SULF1: variants seen among roughly 807,000 people sequenced by gnomAD.
SULF1 encodes the protein extracellular sulfatase Sulf-1.
Under a neutral mutation model 110.5 loss-of-function variants are expected in SULF1, and 46 were observed. The ratio of observed to expected loss-of-function variants is 0.42; its 90% CI spans 0.33 to 0.53. The LOEUF (loss-of-function observed/expected upper bound fraction) is 0.53. Among genes scored for constraint, SULF1 ranks in the 20% least tolerant of loss-of-function variants. The probability of loss-of-function intolerance (pLI) is 0.12; values close to 1 mark genes in which losing one functional copy is unlikely to be tolerated. For missense variants in SULF1, 941 were observed against 1,094.2 expected (o/e 0.86, Z 1.98); for synonymous variants, 371 against 387.1 (o/e 0.96, Z 0.49).
chr8:69,524,689 T>C (rs762740038), intron 3 of SULF1, among the ~76,000 whole-genome samples: 1 of 152,202 alleles, frequency 6.6e-6, no homozygotes, highest in African/African-American at 2.4e-5. Flanking sequence ...TCAAAGATAG[T>C]ATAGTTATAG....
At chr8:69,632,287 G>C (rs1276916142) in intron 19 of SULF1, among the ~76,000 whole-genome samples, 1 of 152,052 alleles carries the variant, frequency 6.6e-6, no homozygotes, top group Admixed American at 6.6e-5. Flanking sequence ...TAGGACAGTG[G>C]CTTCCAGAAT....
chr8:69,489,191 G>A (rs563616089), upstream of SULF1, among the ~76,000 whole-genome samples: 165 of 152,324 alleles, frequency 1.1e-3, 1 homozygote, highest in African/African-American at 3.8e-3. Context: ...TGAGACTCAT[G>A]TTCCCTTGAC....
intron 5 of SULF1, among the ~76,000 whole-genome samples, chr8:69,575,569 A>G (rs949613196): frequency 6.6e-6 from 1 of 152,154 alleles, no homozygotes; most frequent in South Asian, 2.1e-4. Flanking sequence ...CTAGTAATCT[A>G]GTAGCAATGT....
chr8:69,503,644 C>T (rs1810964920), intron 3 of SULF1, among the ~76,000 whole-genome samples: 1 of 152,108 alleles, frequency 6.6e-6, no homozygotes, highest in Non-Finnish European at 1.5e-5. Flanking sequence ...CCTTCAGTGC[C>T]ATACCATTCA....
At chr8:69,640,906 C>T in intron 22 of SULF1, 65 bp downstream of exon 22, 5 of 1,509,188 alleles carry the variant, frequency 3.3e-6, no homozygotes, top group Non-Finnish European at 4.5e-6. Context: ...CCAGTGGTTT[C>T]AACTAATTTC....
intron 1 of SULF1, among the ~76,000 whole-genome samples, chr8:69,486,575 A>T (rs561464421): frequency 2.6e-5 from 4 of 152,204 alleles, no homozygotes; most frequent in Non-Finnish European, 5.9e-5. Context: ...AGCTAAAAGA[A>T]GGTTTGCTGT....
chr8:69,548,920 C>T (rs79011891), intron 3 of SULF1, among the ~76,000 whole-genome samples: 2,370 of 152,240 alleles, frequency 0.016, 50 homozygotes, highest in African/African-American at 0.053. Flanking sequence ...GTCACCACCT[C>T]CCCACACACA....
intron 8 of SULF1, among the ~76,000 whole-genome samples, chr8:69,596,295 G>A (rs542263357): frequency 1.3e-5 from 2 of 152,138 alleles, no homozygotes; most frequent in Non-Finnish European, 2.9e-5. Context: ...TTAGGCACAC[G>A]TGACTCTACC....
intron 5 of SULF1, among the ~76,000 whole-genome samples, chr8:69,570,372 A>G (rs1586431164): frequency 6.6e-6 from 1 of 152,262 alleles, no homozygotes; most frequent in Non-Finnish European, 1.5e-5. Flanking sequence ...TTTAATGTTT[A>G]GTAATACAAA....
At chr8:69,573,858 G>T (rs1432963070) in intron 5 of SULF1, among the ~76,000 whole-genome samples, 2 of 152,166 alleles carry the variant, frequency 1.3e-5, no homozygotes, top group African/African-American at 4.8e-5. Context: ...TCAGTGAAAC[G>T]ATTGGTTTCC....
intron 3 of SULF1, among the ~76,000 whole-genome samples, chr8:69,558,793 G>A (rs1815285204): frequency 6.6e-6 from 1 of 152,068 alleles, no homozygotes; most frequent in South Asian, 2.1e-4. Context: ...ATTTATTGAA[G>A]ACCCTTGCCC....
At chr8:69,651,204 C>T (rs940872385) in intron 22 of SULF1, among the ~76,000 whole-genome samples, 1 of 151,934 alleles carries the variant, frequency 6.6e-6, no homozygotes, top group Non-Finnish European at 1.5e-5. Context: ...AGGCACCTGC[C>T]ACCATGCCCA....
At chr8:69,521,365 G>A (rs1050983023) in intron 3 of SULF1, among the ~76,000 whole-genome samples, 4 of 152,020 alleles carry the variant, frequency 2.6e-5, no homozygotes, top group South Asian at 2.1e-4. Context: ...CACAATATAC[G>A]TAGTATATTT....
intron 5 of SULF1, among the ~76,000 whole-genome samples, chr8:69,571,038 C>T (rs141023766): frequency 6.6e-6 from 1 of 152,306 alleles, no homozygotes; most frequent in East Asian, 1.9e-4. Context: ...TGAAGTTGGG[C>T]TTTTTGCTTA....
intron 22 of SULF1, among the ~76,000 whole-genome samples, chr8:69,643,926 G>A (rs558986950): frequency 6.6e-5 from 10 of 152,192 alleles, no homozygotes; most frequent in East Asian, 1.9e-4. Flanking sequence ...TCCCCACTGC[G>A]TATGAAAGCT....
intron 2 of SULF1, among the ~76,000 whole-genome samples, chr8:69,499,345 T>A (rs1586232441): frequency 6.6e-6 from 1 of 152,356 alleles, no homozygotes; most frequent in East Asian, 1.9e-4. Flanking sequence ...TAATTCATAT[T>A]AATCCTCTTT....
At chr8:69,570,090 C>T (rs1266052727) in intron 5 of SULF1, among the ~76,000 whole-genome samples, 7 of 152,076 alleles carry the variant, frequency 4.6e-5, no homozygotes, top group Admixed American at 6.6e-5. Context: ...CTAATACAAA[C>T]GACTTAAATA....
At chr8:69,576,251 G>A (rs1385124267) in intron 6 of SULF1, 42 bp downstream of exon 6, 1 of 1,573,546 alleles carries the variant, frequency 6.4e-7, no homozygotes, top group Non-Finnish European at 8.6e-7. Context: ...CTTGTAATAT[G>A]TCTTAGACTC....
At chr8:69,632,885 G>T (rs1183815730) in intron 19 of SULF1, among the ~76,000 whole-genome samples, 1 of 151,984 alleles carries the variant, frequency 6.6e-6, no homozygotes, top group Non-Finnish European at 1.5e-5. Context: ...AATTAGCCGG[G>T]CTTGGTGGTG....
Sources: allele counts gnomAD v4.1 joint callset (sites outside exome capture counted in the v4.1 genomes callset), GRCh38; gene constraint gnomAD v4.1.1; transcripts MANE v1.5; gene names NCBI Gene and HGNC (gene_info 2026-07-23, HGNC 2026-07-21).